The following SYT1 variants were observed in gnomAD, a reference collection of about 807,000 sequenced individuals.
SYT1 encodes the protein synaptotagmin 1.
Under a neutral mutation model 44.8 loss-of-function variants are expected in SYT1, and 8 were observed. That is an observed-to-expected ratio of 0.18 (90% CI 0.10 to 0.32). The LOEUF (loss-of-function observed/expected upper bound fraction) is 0.32. Among genes scored for constraint, SYT1 ranks in the 10% least tolerant of loss-of-function variants. The pLI is 1.00. For missense variants in SYT1, 286 were observed against 509.3 expected (o/e 0.56, Z 4.22); for synonymous variants, 154 against 188.8 (o/e 0.82, Z 1.51).
intron 9 of SYT1, among the ~76,000 whole-genome samples, chr12:79,424,845 A>C (rs1446142914): frequency 1.3e-5 from 2 of 149,412 alleles, no homozygotes; most frequent in Non-Finnish European, 3.0e-5. Flanking sequence ...TTTTTTTTTT[A>C]AGTTTTTAAA....
chr12:78,979,942 AC>A (rs1469845783), intron 2 of SYT1, among the ~76,000 whole-genome samples: 1 of 152,068 alleles, frequency 6.6e-6, no homozygotes, highest in African/African-American at 2.4e-5. Flanking sequence ...AAGAATTTCA[AC>A]CGATCTTTTT....
intron 2 of SYT1, among the ~76,000 whole-genome samples, chr12:78,979,583 A>G (rs986747964): frequency 2.6e-5 from 4 of 152,166 alleles, no homozygotes; most frequent in Non-Finnish European, 4.4e-5. Flanking sequence ...TATGAAAAAT[A>G]AAAACACCAC....
chr12:79,024,780 T>C (rs1350631261), intron 2 of SYT1, among the ~76,000 whole-genome samples: 15 of 151,842 alleles, frequency 9.9e-5, no homozygotes, highest in African/African-American at 3.6e-4. Context: ...ATATTTTTTA[T>C]TTTTGTGATT....
intron 8 of SYT1, among the ~76,000 whole-genome samples, chr12:79,311,709 TC>T (rs1294931559): frequency 1.4e-5 from 2 of 142,756 alleles, no homozygotes; most frequent in African/African-American, 2.6e-5. Flanking sequence ...TGAGTTCATG[TC>T]CTTTGTAGGG....
intron 1 of SYT1, among the ~76,000 whole-genome samples, chr12:78,867,058 GA>G (rs35154964): frequency 0.56 from 80,689 of 143,028 alleles, 23,034 homozygotes; most frequent in Non-Finnish European, 0.65. Flanking sequence ...ACATTTAAAT[GA>G]AAAAAAAAAA....
intron 3 of SYT1, among the ~76,000 whole-genome samples, chr12:79,205,360 T>G (rs1037274297): frequency 2.0e-5 from 3 of 152,210 alleles, no homozygotes; most frequent in Non-Finnish European, 4.4e-5. Flanking sequence ...GAACCTGCCA[T>G]TCCTACTAAA....
At chr12:79,075,068 G>A (rs1342681469) in intron 3 of SYT1, among the ~76,000 whole-genome samples, 1 of 152,092 alleles carries the variant, frequency 6.6e-6, no homozygotes. Context: ...AACACTTCCA[G>A]AACCAGGGAT....
chr12:79,062,631 G>C (rs528649547), intron 3 of SYT1, among the ~76,000 whole-genome samples: 131 of 152,064 alleles, frequency 8.6e-4, no homozygotes, highest in African/African-American at 3.1e-3. Flanking sequence ...AATTCCCCAT[G>C]GTGACTGAAA....
At chr12:79,193,751 A>G (rs1400939783) in intron 3 of SYT1, among the ~76,000 whole-genome samples, 1 of 152,104 alleles carries the variant, frequency 6.6e-6, no homozygotes, top group Non-Finnish European at 1.5e-5. Context: ...GCATGGCCAA[A>G]ATATCTTTTG....
At chr12:78,952,200 C>T (rs79399967) in intron 1 of SYT1, among the ~76,000 whole-genome samples, 10,290 of 152,130 alleles carry the variant, frequency 0.068, 421 homozygotes, top group East Asian at 0.15. Flanking sequence ...AGTTTGGCAT[C>T]AGTTTCATAA....
intron 1 of SYT1, among the ~76,000 whole-genome samples, chr12:78,946,572 T>C (rs1403979259): frequency 6.6e-6 from 1 of 151,610 alleles, no homozygotes; most frequent in East Asian, 1.9e-4. Flanking sequence ...GGATAATCAT[T>C]TGAACCCGGG....
Position 79,222,382 on chromosome 12 carries a change from T to G in SYT1, c.166+4697T>G, listed in dbSNP as rs995073535. 6.0e-4 allele frequency among the ~76,000 whole-genome samples: 91 copies of G among 151,466 alleles called. 2 individuals are homozygous for G. Among genetic ancestry groups the G allele is most frequent in the African/African-American group, 2.1e-3 (87 of 41,236 alleles). On this transcript the variant is annotated intron_variant, in intron 4 of 10. Coordinates refer to ENST00000261205, the MANE Select transcript of SYT1 (RefSeq NM_005639.3). ...TGCTACTATTTATTTATTTACTTTT[T>G]TTTTCTTTTTTCTTTTTTTTGATGG...
intron 3 of SYT1, among the ~76,000 whole-genome samples, chr12:79,129,114 G>A (rs1419437856): frequency 1.3e-5 from 2 of 152,116 alleles, no homozygotes; most frequent in African/African-American, 4.8e-5. Flanking sequence ...TTAGCTTTAT[G>A]TGTACTTTGG....
chr12:79,072,204 A>G (rs948728500), intron 3 of SYT1, among the ~76,000 whole-genome samples: 1 of 152,136 alleles, frequency 6.6e-6, no homozygotes, highest in Non-Finnish European at 1.5e-5. Flanking sequence ...CCAATTAAAG[A>G]TGGGGTAAAA....
At chr12:79,219,742 A>T (rs1382367495) in intron 4 of SYT1, among the ~76,000 whole-genome samples, 1 of 152,034 alleles carries the variant, frequency 6.6e-6, no homozygotes, top group East Asian at 1.9e-4. Context: ...TTTGATTACT[A>T]TAGCTCTATA....
chr12:79,343,915 C>A (rs1882487522), intron 8 of SYT1, among the ~76,000 whole-genome samples: 1 of 152,168 alleles, frequency 6.6e-6, no homozygotes, highest in Admixed American at 6.5e-5. Flanking sequence ...GAACTGAGTG[C>A]ATTTACTGGT....
intron 3 of SYT1, among the ~76,000 whole-genome samples, chr12:79,130,683 C>T (rs368105553): frequency 6.6e-5 from 10 of 152,192 alleles, no homozygotes; most frequent in South Asian, 4.2e-4. Context: ...CATAATTACC[C>T]GCATGGGATT....
intron 9 of SYT1, among the ~76,000 whole-genome samples, chr12:79,370,555 G>A (rs1476301154): frequency 6.6e-6 from 1 of 152,086 alleles, no homozygotes; most frequent in African/African-American, 2.4e-5. Flanking sequence ...GAGGTCAGAA[G>A]ATCGGGACCA....
rs377235370 is a variant in SYT1 at position 79,235,202 on chromosome 12, T to G, written c.166+17517T>G. 5.3e-5 allele frequency among the ~76,000 whole-genome samples: 8 copies of G among 152,342 alleles called. No homozygotes were observed. In the South Asian group the frequency reaches 1.7e-3, roughly 32 times the overall value. On this transcript the variant is annotated intron_variant, in intron 4 of 10. Transcript: ENST00000261205. The stretch of plus-strand genomic sequence containing the variant: ...AATCTGTTTTCTAAAGTGGTTTTAT[T>G]ATTTATATCTCCACAGGTGATATAT...
Sources: gnomAD v4.1 joint callset for allele counts (sites outside exome capture counted in the v4.1 genomes callset) on GRCh38, gnomAD v4.1.1 for gene constraint, MANE v1.5 for transcripts, NCBI Gene and HGNC (gene_info 2026-07-23, HGNC 2026-07-21) for gene names.